FANCB: variants seen among roughly 807,000 people sequenced by gnomAD.
FANCB encodes Fanconi anemia group B protein.
In FANCB, 5 loss-of-function variants were observed where a neutral mutation model predicts 38.9. The observed-to-expected ratio is 0.13, with a 90% confidence interval of 0.07 to 0.27. The LOEUF is 0.27. Among genes scored for constraint, FANCB ranks in the 10% least tolerant of loss-of-function variants. The probability of loss-of-function intolerance (pLI) is 1.00; values close to 1 mark genes in which losing one functional copy is unlikely to be tolerated. For synonymous variants in FANCB, 236 were observed against 215.4 expected (o/e 1.10, Z -0.84); for missense variants, 573 against 602.7 (o/e 0.95, Z 0.52).
the FANCB span, among the ~76,000 whole-genome samples, chrX:14,819,814 C>T: frequency 1.8e-5 from 2 of 111,313 alleles, no homozygotes; most frequent in African/African-American, 6.5e-5. Context: ...ATTCATTTGC[C>T]TTACGACTAC....
chrX:14,812,203 GA>G, the FANCB span, among the ~76,000 whole-genome samples: 2 of 110,723 alleles, frequency 1.8e-5, no homozygotes, highest in African/African-American at 6.6e-5. Context: ...ATGCCCACAA[GA>G]GAAAGCAGGA....
At chrX:14,833,222 A>C (rs749452452), downstream of FANCB, among the ~76,000 whole-genome samples, 31 of 111,671 alleles carry the variant, frequency 2.8e-4, no homozygotes, top group Admixed American at 6.8e-4. Context: ...ATGAAAGCAC[A>C]ACACCAGCAA....
At chrX:14,699,546 T>C in the FANCB span, among the ~76,000 whole-genome samples, 2 of 112,746 alleles carry the variant, frequency 1.8e-5, no homozygotes, top group East Asian at 2.8e-4. Context: ...GGATAATTAC[T>C]GTATCAATCA....
downstream of FANCB, chrX:14,834,693 C>T (rs1189325685): frequency 1.4e-6 from 1 of 708,886 alleles, no homozygotes; most frequent in Non-Finnish European, 2.2e-6. Flanking sequence ...TCCTTTTTAT[C>T]TTGGTGTTGA....
At chrX:14,821,659 AG>A in the FANCB span, among the ~76,000 whole-genome samples, 7 of 111,525 alleles carry the variant, frequency 6.3e-5, no homozygotes, top group Admixed American at 1.9e-4. Flanking sequence ...CAAATTCACA[AG>A]GGGCTTTTCT....
chrX:14,857,989 CTG>C (rs779491229), intron 4 of FANCB, 35 bp from the exon 5 acceptor site: 13 of 910,715 alleles, frequency 1.4e-5, no homozygotes, highest in Middle Eastern at 3.8e-4. Flanking sequence ...TACACTAAGA[CTG>C]AAATTTTGCA....
the FANCB span, among the ~76,000 whole-genome samples, chrX:14,760,004 G>A: frequency 9.0e-6 from 1 of 111,215 alleles, no homozygotes; most frequent in Non-Finnish European, 1.9e-5. Context: ...AGCTCCTGAA[G>A]GAAGTACTAA....
At chrX:14,845,721 T>A (rs1046309560) in intron 7 of FANCB, among the ~76,000 whole-genome samples, 2 of 112,052 alleles carry the variant, frequency 1.8e-5, no homozygotes, top group Non-Finnish European at 3.8e-5. Flanking sequence ...ATTTTGGTGA[T>A]ACGTTAGAAT....
At chrX:14,767,656 T>C in the FANCB span, among the ~76,000 whole-genome samples, 1 of 112,124 alleles carries the variant, frequency 8.9e-6, no homozygotes, top group African/African-American at 3.2e-5. Flanking sequence ...CTCTTGATAG[T>C]TTCTTTTGCT....
At chrX:14,745,914 A>G in the FANCB span, among the ~76,000 whole-genome samples, 2 of 108,356 alleles carry the variant, frequency 1.8e-5, no homozygotes, top group Non-Finnish European at 3.8e-5. Context: ...GTTAGCCAGG[A>G]TGGTCTCGAT....
chrX:14,814,481 T>C, the FANCB span, among the ~76,000 whole-genome samples: 1 of 111,015 alleles, frequency 9.0e-6, no homozygotes, highest in South Asian at 3.7e-4. Context: ...CAAGAAAAAA[T>C]CAAACAACCC....
chrX:14,696,602 G>A, the FANCB span, among the ~76,000 whole-genome samples: 9 of 111,593 alleles, frequency 8.1e-5, no homozygotes, highest in South Asian at 3.4e-3. Context: ...ACTAATAAAG[G>A]AGTACAACTA....
intron 1 of FANCB, among the ~76,000 whole-genome samples, chrX:14,872,301 G>T (rs1038687131): frequency 8.9e-6 from 1 of 112,156 alleles, no homozygotes; most frequent in South Asian, 3.7e-4. Flanking sequence ...GGAAATATGG[G>T]GGACTATTCT....
chrX:14,751,851 C>A, the FANCB span, among the ~76,000 whole-genome samples: 3,841 of 111,583 alleles, frequency 0.034, 131 homozygotes, highest in African/African-American at 0.1. Context: ...TATATCTAAA[C>A]CCTGACAATT....
the FANCB span, among the ~76,000 whole-genome samples, chrX:14,702,022 G>A: frequency 1.8e-5 from 2 of 112,225 alleles, no homozygotes; most frequent in African/African-American, 6.5e-5. Flanking sequence ...TAGTGCCAGG[G>A]AGTTGAGCCT....
downstream of FANCB, among the ~76,000 whole-genome samples, chrX:14,840,366 C>A (rs1031761796): frequency 3.7e-4 from 41 of 111,466 alleles, no homozygotes; most frequent in African/African-American, 1.2e-3. Flanking sequence ...AGAACCAAGC[C>A]CTTCCCCTCA....
the FANCB span, among the ~76,000 whole-genome samples, chrX:14,696,733 G>A: frequency 8.9e-6 from 1 of 111,991 alleles, no homozygotes; most frequent in Non-Finnish European, 1.9e-5. Context: ...AAAAAGATAT[G>A]GTTTGGGCAT....
At chrX:14,786,048 C>T in the FANCB span, among the ~76,000 whole-genome samples, 1 of 112,024 alleles carries the variant, frequency 8.9e-6, no homozygotes, top group Non-Finnish European at 1.9e-5. Context: ...ATGGCCTCAG[C>T]TGAGCCCAGG....
chrX:14,791,971 C>T, the FANCB span, among the ~76,000 whole-genome samples: 2 of 111,668 alleles, frequency 1.8e-5, no homozygotes, highest in African/African-American at 6.5e-5. Flanking sequence ...CCAGAACAGC[C>T]TCCATTTCTT....
Sources: gnomAD v4.1 joint callset for allele counts (sites outside exome capture counted in the v4.1 genomes callset) on GRCh38, gnomAD v4.1.1 for gene constraint, MANE v1.5 for transcripts, NCBI Gene and HGNC (gene_info 2026-07-23, HGNC 2026-07-21) for gene names.